CAST: variants seen among roughly 807,000 people sequenced by gnomAD.
The protein encoded by CAST is calpastatin.
In CAST, 76 loss-of-function variants were observed where a neutral mutation model predicts 119.6. The ratio of observed to expected loss-of-function variants is 0.64; its 90% CI spans 0.53 to 0.77. The LOEUF (loss-of-function observed/expected upper bound fraction) is 0.77. Ranked by LOEUF, CAST falls within the 30% of genes least tolerant of loss-of-function variation. CAST has a pLI of 0.00. For synonymous variants in CAST, 319 were observed against 331.6 expected (o/e 0.96, Z 0.41); for missense variants, 953 against 946.5 (o/e 1.01, Z -0.09).
At chr5:96,730,370 G>A (rs954961827) in intron 8 of CAST, among the ~76,000 whole-genome samples, 37 of 152,176 alleles carry the variant, frequency 2.4e-4, no homozygotes, top group African/African-American at 6.8e-4. Flanking sequence ...GGCTTACAAT[G>A]TTGTTAAAAA....
chr5:96,430,203 A>G, the CAST span, among the ~76,000 whole-genome samples: 1 of 152,270 alleles, frequency 6.6e-6, no homozygotes, highest in East Asian at 1.9e-4. Context: ...CCGGGTATCT[A>G]TTGACATCTT....
intron 1 of CAST, among the ~76,000 whole-genome samples, chr5:96,616,859 C>CA (rs1747468414): frequency 6.6e-6 from 1 of 150,892 alleles, no homozygotes; most frequent in African/African-American, 2.4e-5. Context: ...CCAAGATTAT[C>CA]AAAAAAATTT....
intron 1 of CAST, among the ~76,000 whole-genome samples, chr5:96,628,801 G>A (rs555654695): frequency 1.6e-4 from 24 of 152,106 alleles, no homozygotes; most frequent in Non-Finnish European, 2.5e-4. Context: ...TTCCCTGCAC[G>A]ATTAGCACAT....
intron 24 of CAST, among the ~76,000 whole-genome samples, chr5:96,759,132 C>T (rs1024518641): frequency 6.6e-6 from 1 of 152,034 alleles, no homozygotes; most frequent in Non-Finnish European, 1.5e-5. Flanking sequence ...GCAAAGGAAA[C>T]ATTAGTGCCA....
At chr5:96,016,507 C>T in the CAST span, among the ~76,000 whole-genome samples, 31 of 152,278 alleles carry the variant, frequency 2.0e-4, no homozygotes, top group Middle Eastern at 3.4e-3. Context: ...TCTCCTTTCT[C>T]CTATACTGCA....
the CAST span, among the ~76,000 whole-genome samples, chr5:95,991,609 G>A: frequency 8.8e-5 from 13 of 147,836 alleles, no homozygotes; most frequent in Non-Finnish European, 1.9e-4. Flanking sequence ...GGGCTCAAGC[G>A]AGTCTCCTAC....
intron 1 of CAST, among the ~76,000 whole-genome samples, chr5:96,640,423 G>A (rs901875687): frequency 2.0e-5 from 3 of 152,172 alleles, no homozygotes; most frequent in Non-Finnish European, 2.9e-5. Context: ...CCAGAGCCAG[G>A]CCCTCAGGAA....
At chr5:96,217,027 AATT>A in the CAST span, among the ~76,000 whole-genome samples, 2 of 151,764 alleles carry the variant, frequency 1.3e-5, no homozygotes, top group African/African-American at 4.8e-5. Flanking sequence ...GAAGTAATAA[AATT>A]ATTATTTTTT....
chr5:96,156,492 A>G, the CAST span, among the ~76,000 whole-genome samples: 2 of 152,174 alleles, frequency 1.3e-5, no homozygotes, highest in African/African-American at 4.8e-5. Context: ...GGGTGATCCT[A>G]TTTCTTCCAC....
the CAST span, among the ~76,000 whole-genome samples, chr5:96,336,710 T>C: frequency 6.6e-6 from 1 of 152,230 alleles, no homozygotes; most frequent in Non-Finnish European, 1.5e-5. Context: ...TCCAGATGTC[T>C]AATTCTGAGT....
At chr5:96,235,483 TTTAG>T in the CAST span, among the ~76,000 whole-genome samples, 1 of 152,130 alleles carries the variant, frequency 6.6e-6, no homozygotes, top group African/African-American at 2.4e-5. Flanking sequence ...CGAGGATAAA[TTTAG>T]TTCTTACAAC....
the CAST span, among the ~76,000 whole-genome samples, chr5:96,368,590 C>G: frequency 1.3e-3 from 200 of 151,940 alleles, 2 homozygotes; most frequent in African/African-American, 4.5e-3. Context: ...CCTCTTGGAG[C>G]CTTCTGATTC....
At chr5:96,548,020 G>A (rs138209510) in intron 1 of CAST, among the ~76,000 whole-genome samples, 7 of 152,256 alleles carry the variant, frequency 4.6e-5, no homozygotes, top group Non-Finnish European at 7.4e-5. Flanking sequence ...CTAAGACTCC[G>A]TCTATTACCT....
At chr5:96,019,176 C>T in the CAST span, among the ~76,000 whole-genome samples, 3 of 152,176 alleles carry the variant, frequency 2.0e-5, no homozygotes, top group Admixed American at 6.5e-5. Flanking sequence ...TAACACTTCC[C>T]GGTGATATTA....
rs990978706 is a variant in CAST at position 96,717,591 on chromosome 5, A to C, written c.211-5048A>C. Among the ~76,000 whole-genome samples, 4 of 152,366 alleles carry C rather than the reference A, an allele frequency of 2.6e-5. No individual in the cohort carries two copies. The East Asian group carries it at 7.7e-4, about 29-fold the overall frequency. ...ATTTTACATATGAGGAAACTGAGGC[A>C]GAGAGGTTAAGCAACTTGCTCAAGG... is the stretch of plus-strand genomic sequence containing the variant. On this transcript the variant is annotated intron_variant, in intron 3 of 31. Coordinates refer to ENST00000675179, the MANE Select transcript of CAST (RefSeq NM_001750.7).
At chr5:96,284,985 T>C in the CAST span, among the ~76,000 whole-genome samples, 1 of 152,244 alleles carries the variant, frequency 6.6e-6, no homozygotes, top group African/African-American at 2.4e-5. Flanking sequence ...AGCCCTAACC[T>C]TTCTAATAGC....
chr5:96,474,669 G>C, the CAST span, among the ~76,000 whole-genome samples: 1 of 152,132 alleles, frequency 6.6e-6, no homozygotes, highest in African/African-American at 2.4e-5. Flanking sequence ...GAAACTTCCA[G>C]GCCCCCTGCT....
the CAST span, chr5:96,393,366 G>C: frequency 1.9e-6 from 3 of 1,613,834 alleles, no homozygotes; most frequent in South Asian, 3.3e-5. Flanking sequence ...GGGTTCTCTT[G>C]TGTGGGCTGC....
the CAST span, among the ~76,000 whole-genome samples, chr5:96,362,421 A>C: frequency 6.6e-6 from 1 of 152,324 alleles, no homozygotes; most frequent in East Asian, 1.9e-4. Context: ...TGTCTTCCAC[A>C]ATGGTTGAAC....
Sources: gnomAD v4.1 joint callset for allele counts (sites outside exome capture counted in the v4.1 genomes callset) on GRCh38, gnomAD v4.1.1 for gene constraint, MANE v1.5 for transcripts, NCBI Gene and HGNC (gene_info 2026-07-23, HGNC 2026-07-21) for gene names.